Variants in NPAS3 observed in about 807,000 individuals in gnomAD.
NPAS3 encodes neuronal PAS domain protein 3.
A neutral mutation model predicts 73.1 loss-of-function variants in NPAS3; 14 were observed. The ratio of observed to expected loss-of-function variants is 0.19; its 90% CI spans 0.13 to 0.30. The LOEUF is 0.30. Ranked by LOEUF, NPAS3 falls within the 10% of genes least tolerant of loss-of-function variation. The pLI, the probability that NPAS3 is intolerant of heterozygous loss-of-function variation, is 1.00. For missense variants in NPAS3, 1,096 were observed against 1,250.0 expected (o/e 0.88, Z 1.86); for synonymous variants, 620 against 541.5 (o/e 1.14, Z -2.01).
chr14:33,218,316 C>T (rs554259501), intron 3 of NPAS3, among the ~76,000 whole-genome samples: 6 of 152,178 alleles, frequency 3.9e-5, no homozygotes, highest in South Asian at 4.2e-4. Context: ...CTGTCTACCC[C>T]GGCTCTCAAA....
chr14:33,263,838 T>A (rs375224059), intron 3 of NPAS3, among the ~76,000 whole-genome samples: 4 of 152,298 alleles, frequency 2.6e-5, no homozygotes, highest in Non-Finnish European at 5.9e-5. Context: ...GTCCTTCACA[T>A]CCCTTGTAAG....
At chr14:33,157,253 A>G (rs1469693085) in intron 2 of NPAS3, among the ~76,000 whole-genome samples, 1 of 152,224 alleles carries the variant, frequency 6.6e-6, no homozygotes, top group East Asian at 1.9e-4. Flanking sequence ...TATCTTTGAC[A>G]TATTTTGCAG....
At chr14:33,423,062 T>C (rs1037265143) in intron 4 of NPAS3, among the ~76,000 whole-genome samples, 7 of 152,146 alleles carry the variant, frequency 4.6e-5, no homozygotes, top group African/African-American at 1.4e-4. Flanking sequence ...CATGTAGTTA[T>C]AACATTACCT....
chr14:33,560,723 T>C lies in NPAS3; in HGVS notation c.558+513T>C, dbSNP rs551494292. On this transcript the variant is annotated intron_variant, in intron 5 of 11. Coordinates refer to ENST00000356141, the Ensembl canonical transcript of NPAS3. ...AATGCTTCCTAATGCTGAAAGATGA[T>C]TTCATAAAATAAGACAGCTTTTCAT... Among the ~76,000 whole-genome samples the C allele has an allele frequency of 1.6e-3, 237 of 152,286 alleles. 2 individuals carry two copies. The highest frequency in any genetic ancestry group is 2.9e-3 in the Non-Finnish European group (200 of 68,028).
chr14:33,123,699 A>G (rs1448688538), intron 2 of NPAS3, among the ~76,000 whole-genome samples: 1 of 152,114 alleles, frequency 6.6e-6, no homozygotes, highest in Non-Finnish European at 1.5e-5. Flanking sequence ...TGGTAAGCTT[A>G]AAAACAGATA....
chr14:33,411,883 G>A (rs938702835), intron 4 of NPAS3, among the ~76,000 whole-genome samples: 23 of 151,476 alleles, frequency 1.5e-4, no homozygotes, highest in Admixed American at 3.3e-4. Context: ...GTGAATGCTC[G>A]CTCCTCTGAC....
At chr14:33,566,326 T>C (rs2055933921) in intron 5 of NPAS3, among the ~76,000 whole-genome samples, 1 of 152,092 alleles carries the variant, frequency 6.6e-6, no homozygotes, top group Admixed American at 6.6e-5. Flanking sequence ...CTTATCGTTC[T>C]CACCAGGGCA....
In NPAS3 at chr14:33,653,359, T is replaced by C. The variant is rs539128328; in HGVS notation, c.559-22852T>C. 1.4e-4 allele frequency among the ~76,000 whole-genome samples: 21 copies of C among 152,362 alleles called. No homozygotes were observed. In the South Asian group the frequency reaches 2.9e-3, roughly 21 times the overall value. ...CCTTTAAAGTTCTGCATTCTGTATA[T>C]TTGGTTGTTAGACAAATAGAGCAAG... On this transcript the variant is annotated intron_variant, in intron 5 of 11. Coordinates refer to ENST00000356141, the Ensembl canonical transcript of NPAS3.
intron 1 of NPAS3, among the ~76,000 whole-genome samples, chr14:32,972,869 A>G (rs543672357): frequency 2.6e-5 from 4 of 152,330 alleles, no homozygotes; most frequent in African/African-American, 9.6e-5. Flanking sequence ...AGGATTACTC[A>G]CAAAAAAGCA....
At chr14:33,129,984 T>C (rs1181114647) in intron 2 of NPAS3, among the ~76,000 whole-genome samples, 1 of 152,178 alleles carries the variant, frequency 6.6e-6, no homozygotes, top group Admixed American at 6.6e-5. Context: ...TCCCTAATAG[T>C]GTGTAACATG....
intron 5 of NPAS3, among the ~76,000 whole-genome samples, chr14:33,571,378 G>T (rs1008975983): frequency 6.6e-6 from 1 of 152,156 alleles, no homozygotes; most frequent in African/African-American, 2.4e-5. Context: ...AGGGCTCGAG[G>T]AGGGGAGCCT....
intron 1 of NPAS3, among the ~76,000 whole-genome samples, chr14:33,052,449 A>G (rs1566507109): frequency 6.6e-6 from 1 of 152,204 alleles, no homozygotes. Context: ...AAAGGTAAAT[A>G]TTAGATATAC....
chr14:33,171,982 G>A (rs536168026), intron 2 of NPAS3, among the ~76,000 whole-genome samples: 1 of 152,246 alleles, frequency 6.6e-6, no homozygotes, highest in African/African-American at 2.4e-5. Context: ...AGGAGAGGGA[G>A]AGATGAGAGA....
chr14:33,457,219 T>C (rs1020157), intron 4 of NPAS3, among the ~76,000 whole-genome samples: 108,919 of 152,172 alleles, frequency 0.72, 39,428 homozygotes, highest in East Asian at 0.85. Context: ...ACAAGTTCAG[T>C]ACTAAATGGT....
At chr14:33,703,294 G>T (rs2060571139) in intron 6 of NPAS3, among the ~76,000 whole-genome samples, 1 of 152,090 alleles carries the variant, frequency 6.6e-6, no homozygotes, top group African/African-American at 2.4e-5. Flanking sequence ...AGACTAGCCT[G>T]TGCCACACAG....
At chr14:33,765,655 A>AT (rs888852549) in intron 7 of NPAS3, among the ~76,000 whole-genome samples, 3 of 152,188 alleles carry the variant, frequency 2.0e-5, no homozygotes, top group African/African-American at 7.2e-5. Context: ...ACAGAGTAGG[A>AT]TTTTTTTAAG....
chr14:33,162,866 C>T (rs2044955118), intron 2 of NPAS3, among the ~76,000 whole-genome samples: 1 of 152,166 alleles, frequency 6.6e-6, no homozygotes, highest in Non-Finnish European at 1.5e-5. Context: ...GTTCTGTCTT[C>T]ATAAATTGCA....
rs149068998 is a variant in NPAS3, at chr14:33,221,665, T to C, written c.385+6239T>C. ...AATGAGGATTTTTTTTGTGGAGACTTTGGAAATGTGGGCAAAAGAGTACAG... is the reference window on the plus strand; with the variant it reads ...AATGAGGATTTTTTTTGTGGAGACTCTGGAAATGTGGGCAAAAGAGTACAG... On this transcript the variant is annotated intron_variant, in intron 3 of 11. Transcript: ENST00000356141. Among the ~76,000 whole-genome samples, 6 of 152,158 alleles carry C rather than the reference T, an allele frequency of 3.9e-5. No homozygotes were observed. In the East Asian group the frequency reaches 1.2e-3, roughly 30 times the overall value.
chr14:33,247,298 T>C (rs1237906329), intron 3 of NPAS3, among the ~76,000 whole-genome samples: 1 of 152,210 alleles, frequency 6.6e-6, no homozygotes, highest in Non-Finnish European at 1.5e-5. Context: ...ATTTTGACTC[T>C]TTGGGGAAAC....
Sources: gnomAD v4.1 joint callset for allele counts (sites outside exome capture counted in the v4.1 genomes callset) on GRCh38, gnomAD v4.1.1 for gene constraint, MANE v1.5 for transcripts, NCBI Gene and HGNC (gene_info 2026-07-23, HGNC 2026-07-21) for gene names.